Variants in COG6 observed in about 807,000 individuals in gnomAD.
COG6 encodes the protein conserved oligomeric Golgi complex subunit 6.
Under a neutral mutation model 88.8 loss-of-function variants are expected in COG6, and 74 were observed. The ratio of observed to expected loss-of-function variants is 0.83; its 90% CI spans 0.69 to 1.01. COG6 has a LOEUF of 1.01. COG6 is among the 50% of genes least tolerant of loss of function. The pLI, the probability that COG6 is intolerant of heterozygous loss-of-function variation, is 0.00. For synonymous variants in COG6, 286 were observed against 278.7 expected (o/e 1.03, Z -0.26); for missense variants, 800 against 797.9 (o/e 1.00, Z -0.03).
chr13:39,712,823 C>T (rs1014637215), intron 13 of COG6, among the ~76,000 whole-genome samples: 1 of 152,168 alleles, frequency 6.6e-6, no homozygotes, highest in Non-Finnish European at 1.5e-5. Flanking sequence ...CAAAGCTTAC[C>T]TGCCCGAGCA....
intron 12 of COG6, among the ~76,000 whole-genome samples, chr13:39,695,237 A>G (rs1877210123): frequency 1.3e-5 from 2 of 151,852 alleles, no homozygotes; most frequent in Non-Finnish European, 2.9e-5. Context: ...AAGTGATAAA[A>G]TAGAGTCATA....
intron 18 of COG6, among the ~76,000 whole-genome samples, chr13:39,749,306 C>T (rs9548918): frequency 0.41 from 62,954 of 151,730 alleles, 13,376 homozygotes; most frequent in Admixed American, 0.57. Context: ...TCAAAATATA[C>T]TGGGTTTTAA....
chr13:39,773,611 A>C (rs888521800), intron 18 of COG6, among the ~76,000 whole-genome samples: 2 of 152,244 alleles, frequency 1.3e-5, no homozygotes, highest in African/African-American at 4.8e-5. Flanking sequence ...CTATTTAGAG[A>C]GAATAATCAC....
chr13:39,703,535 A>G (rs190961926), intron 13 of COG6, among the ~76,000 whole-genome samples: 3 of 152,188 alleles, frequency 2.0e-5, no homozygotes, highest in South Asian at 2.1e-4. Flanking sequence ...TGCCTGTAGT[A>G]TTTTCTGACA....
chr13:39,659,907 T>A (rs1874790152), intron 2 of COG6, among the ~76,000 whole-genome samples: 1 of 152,178 alleles, frequency 6.6e-6, no homozygotes, highest in Non-Finnish European at 1.5e-5. Context: ...ATATGAAAAT[T>A]TCAGATTAAG....
chr13:39,682,124 C>T, intron 7 of COG6, 47 bp from the exon 8 acceptor site: 1 of 1,325,850 alleles, frequency 7.5e-7, no homozygotes, highest in Non-Finnish European at 1.1e-6. Context: ...ACATAATAAA[C>T]ATCTAAGCTG....
chr13:39,657,836 G>T (rs1257718242), intron 1 of COG6, among the ~76,000 whole-genome samples: 1 of 152,110 alleles, frequency 6.6e-6, no homozygotes, highest in Admixed American at 6.5e-5. Context: ...GTAGCAAAAA[G>T]CATGATTACT....
At chr13:39,656,767 A>G (rs1874535185) in intron 1 of COG6, 8 of 453,784 alleles carry the variant, frequency 1.8e-5, no homozygotes, top group Non-Finnish European at 3.1e-5. Context: ...AGATAGAACC[A>G]CTAAATGTGT....
intron 3 of COG6, among the ~76,000 whole-genome samples, chr13:39,661,334 G>A (rs1874886613): frequency 6.6e-6 from 1 of 152,284 alleles, no homozygotes; most frequent in East Asian, 1.9e-4. Flanking sequence ...TTATAGTTTG[G>A]TAGCAGAATC....
intron 18 of COG6, among the ~76,000 whole-genome samples, chr13:39,760,193 A>G (rs936012969): frequency 6.6e-6 from 1 of 152,164 alleles, no homozygotes; most frequent in Admixed American, 6.5e-5. Flanking sequence ...TTCTGGGGGT[A>G]TCATTTATAT....
chr13:39,705,047 C>G (rs1030658877), intron 13 of COG6, among the ~76,000 whole-genome samples: 2 of 152,052 alleles, frequency 1.3e-5, no homozygotes, highest in Non-Finnish European at 1.5e-5. Context: ...TTAGTTATAT[C>G]TTTTACTTAT....
intron 13 of COG6, among the ~76,000 whole-genome samples, chr13:39,701,480 T>C (rs1444886604): frequency 6.6e-6 from 1 of 151,834 alleles, no homozygotes; most frequent in Non-Finnish European, 1.5e-5. Flanking sequence ...GGACACAGTC[T>C]TGGGAAACAC....
chr13:39,747,181 A>G (rs1168674532), intron 18 of COG6, among the ~76,000 whole-genome samples: 2 of 152,182 alleles, frequency 1.3e-5, no homozygotes, highest in Admixed American at 6.6e-5. Flanking sequence ...TTTTATCTGT[A>G]CTGTACCATA....
chr13:39,695,355 C>T (rs373491519), intron 12 of COG6, among the ~76,000 whole-genome samples: 18 of 151,784 alleles, frequency 1.2e-4, no homozygotes, highest in East Asian at 9.7e-4. Flanking sequence ...GCTTTACTTA[C>T]GTGTTTTGGT....
rs899600409 is a variant in COG6, at chr13:39,784,441, T to G, written c.1827-3894T>G. 1.6e-4 allele frequency among the ~76,000 whole-genome samples: 24 copies of G among 152,190 alleles called. 1 individual carries two copies. On this transcript the variant is annotated intron_variant, in intron 18 of 18. Coordinates refer to the COG6 transcript ENST00000416691. ...CGTCCAACTAGTATTTGCTGAACAG[T>G]GTTCTGCACCAGGGGCAGTAAGCAT... is the stretch of plus-strand genomic sequence containing the variant.
intron 18 of COG6, among the ~76,000 whole-genome samples, chr13:39,750,189 A>C (rs539375036): frequency 6.6e-6 from 1 of 152,200 alleles, no homozygotes; most frequent in Non-Finnish European, 1.5e-5. Flanking sequence ...GAGTACCATG[A>C]GAACCATGAG....
chr13:39,781,436 G>A (rs1367852992), intron 18 of COG6, among the ~76,000 whole-genome samples: 2 of 87,908 alleles, frequency 2.3e-5, no homozygotes, highest in African/African-American at 6.2e-5. Context: ...GAGCAAATGC[G>A]GAGGGTTTTT....
chr13:39,788,959 T>C (rs894561898), exon 19 of COG6: 3 of 152,866 alleles, frequency 2.0e-5, no homozygotes, highest in African/African-American at 7.2e-5. Context: ...TATTTATGAA[T>C]AGGTAATAGC....
At chr13:39,687,370 G>GT in intron 8 of COG6, 133 bp from the exon 9 acceptor site, 1 of 797,016 alleles carries the variant, frequency 1.3e-6, no homozygotes, top group Non-Finnish European at 2.2e-6. Flanking sequence ...TGAAAGCAAT[G>GT]TTGCTTGACC....
Sources: allele counts gnomAD v4.1 joint callset (sites outside exome capture counted in the v4.1 genomes callset), GRCh38; gene constraint gnomAD v4.1.1; transcripts MANE v1.5; gene names NCBI Gene and HGNC (gene_info 2026-07-23, HGNC 2026-07-21).